The following DNAH7 variants were observed in gnomAD, a reference collection of about 807,000 sequenced individuals.
DNAH7 encodes the protein dynein axonemal heavy chain 7, also known as axonemal beta dynein heavy chain 7.
A neutral mutation model predicts 444.6 loss-of-function variants in DNAH7; 397 were observed. The observed-to-expected ratio is 0.89, with a 90% confidence interval of 0.82 to 0.97. DNAH7 has a LOEUF of 0.97. Among genes scored for constraint, DNAH7 ranks in the 50% least tolerant of loss-of-function variants. The pLI is 0.00. For synonymous variants in DNAH7, 1,636 were observed against 1,624.4 expected (o/e 1.01, Z -0.17); for missense variants, 4,902 against 4,800.8 (o/e 1.02, Z -0.62).
chr2:195,967,516 A>G (rs1448831514), intron 17 of DNAH7, among the ~76,000 whole-genome samples: 1 of 152,098 alleles, frequency 6.6e-6, no homozygotes, highest in African/African-American at 2.4e-5. Context: ...AAACTATGGC[A>G]TTTCCTGTAA....
Position 196,068,802 on chromosome 2 carries a change from G to T in DNAH7, c.-91C>A. 3 of 1,503,428 alleles carry T rather than the reference G, an allele frequency of 2.0e-6. No individual in the cohort carries two copies. The highest frequency in any genetic ancestry group is 2.5e-5 in the East Asian group (1 of 39,870). The allele number at this position is 1,503,428 out of a possible 1,614,324, so 93.1% of individuals were successfully genotyped here. On this transcript the variant is annotated 5_prime_UTR_variant, in exon 1 of 65. Coordinates refer to ENST00000312428, the MANE Select transcript of DNAH7 (RefSeq NM_018897.3). Reference sequence around the variant, plus strand: ...CGATAGAGGCAGGGCCCCGGGACTTGCAGCGGTCTCAGCTCCCTCCGCACC... The same window carrying T: ...CGATAGAGGCAGGGCCCCGGGACTTTCAGCGGTCTCAGCTCCCTCCGCACC...
chr2:195,934,798 A>G lies in DNAH7; in HGVS notation c.3273-9T>C. ...TCAAGTGAGGTTGCACCCTGTCAGG[A>G]AAAACATTTTTAAGATAATTAACCA... On this transcript the variant is annotated splice_polypyrimidine_tract_variant and intron_variant, in intron 20 of 64. Coordinates refer to ENST00000312428, the MANE Select transcript of DNAH7 (RefSeq NM_018897.3). 1.2e-6 allele frequency: 2 copies of G among 1,613,760 alleles called. No homozygotes were observed. Among genetic ancestry groups the G allele is most frequent in the Non-Finnish European group, 1.7e-6 (2 of 1,179,842 alleles).
chr2:195,822,299 T>C (rs754293155), intron 49 of DNAH7, among the ~76,000 whole-genome samples: 30 of 152,230 alleles, frequency 2.0e-4, no homozygotes, highest in Non-Finnish European at 2.5e-4. Context: ...AACTTTTACT[T>C]CACTGTGTTC....
chr2:195,969,489 C>T (rs958295519), intron 17 of DNAH7, among the ~76,000 whole-genome samples: 11 of 152,016 alleles, frequency 7.2e-5, no homozygotes, highest in East Asian at 3.9e-4. Flanking sequence ...ATTTCTGAAA[C>T]GGTAGTATTG....
chr2:195,827,052 G>A (rs1385777116), intron 48 of DNAH7, among the ~76,000 whole-genome samples: 2 of 152,044 alleles, frequency 1.3e-5, no homozygotes. Flanking sequence ...CCCAACCATA[G>A]TCATATGGCC....
chr2:195,821,259 A>C (rs2124905864), intron 49 of DNAH7, among the ~76,000 whole-genome samples: 1 of 152,294 alleles, frequency 6.6e-6, no homozygotes, highest in South Asian at 2.1e-4. Context: ...CTGATTTATA[A>C]ATTGTTTGCA....
At chr2:195,844,233 C>A (rs569803231) in intron 47 of DNAH7, among the ~76,000 whole-genome samples, 1 of 152,312 alleles carries the variant, frequency 6.6e-6, no homozygotes, top group Admixed American at 6.5e-5. Flanking sequence ...ATATCAATTA[C>A]TTTTTCATAG....
At chr2:195,748,665 C>A (rs1693586543) in intron 63 of DNAH7, among the ~76,000 whole-genome samples, 1 of 152,054 alleles carries the variant, frequency 6.6e-6, no homozygotes, top group Non-Finnish European at 1.5e-5. Flanking sequence ...AGAACAGAGC[C>A]CTCAGAAATA....
Position 195,864,885 on chromosome 2 carries a change from T to A in DNAH7, c.6770A>T (p.Asp2257Val). The A allele has an allele frequency of 5.6e-6, 9 of 1,614,004 alleles. No homozygotes were observed. The highest frequency in any genetic ancestry group is 7.6e-6 in the Non-Finnish European group (9 of 1,180,018). Residue 2257 changes from aspartate to valine, a missense_variant, in exon 41 of 65, where the codon GAT becomes GTT. By Grantham distance (152) the Asp-to-Val change is radical (BLOSUM62 -3). Transcript: ENST00000312428. ...TAAGTCATCTGCTTCCACCATGCCA[T>A]CATTATCAAAATCCAAACGCTGAAA... ...ELFQRLDFDN[D>V]GMVEADDLRS...
intron 12 of DNAH7, chr2:195,994,339 G>T: frequency 1.6e-6 from 1 of 619,842 alleles, no homozygotes; most frequent in Non-Finnish European, 2.8e-6. Context: ...CCAAGGCTCA[G>T]GAGACAGTCC....
At chr2:196,053,966 A>G (rs945976921) in intron 2 of DNAH7, among the ~76,000 whole-genome samples, 1 of 152,200 alleles carries the variant, frequency 6.6e-6, no homozygotes. Context: ...TGGCATAGCT[A>G]TAAGATGCAG....
chr2:195,940,165 C>T (rs1689327231), intron 19 of DNAH7, among the ~76,000 whole-genome samples: 1 of 152,022 alleles, frequency 6.6e-6, no homozygotes, highest in Non-Finnish European at 1.5e-5. Flanking sequence ...GTACTGGTAC[C>T]AAAACAGATA....
intron 57 of DNAH7, among the ~76,000 whole-genome samples, chr2:195,789,539 T>A (rs959250781): frequency 6.6e-6 from 1 of 152,192 alleles, no homozygotes; most frequent in Non-Finnish European, 1.5e-5. Context: ...GATATTTTCA[T>A]GGTGCTAAAG....
intron 5 of DNAH7, 51 bp downstream of exon 5, chr2:196,047,301 G>A: frequency 1.4e-6 from 2 of 1,441,730 alleles, no homozygotes; most frequent in Middle Eastern, 3.7e-4. Context: ...GTTAAACGTT[G>A]CCAGGGGCTC....
At position 196,012,041 on chromosome 2, in the gene DNAH7, T is replaced by C. The variant is rs143819825; in HGVS notation, c.989+746A>G. Reference sequence around the variant, plus strand: ...TATCAAAGAATTTTATTCTAACACATTGGAGAAGAAAGCAAGATAAAGGAA... The same window carrying C: ...TATCAAAGAATTTTATTCTAACACACTGGAGAAGAAAGCAAGATAAAGGAA... On this transcript the variant is annotated intron_variant, in intron 10 of 64. Transcript: ENST00000312428. Among the ~76,000 whole-genome samples the C allele has an allele frequency of 1.6e-3, 247 of 152,276 alleles. 1 individual carries two copies. Among genetic ancestry groups the C allele is most frequent in the African/African-American group, 5.5e-3 (227 of 41,574 alleles).
chr2:195,806,829 G>T lies in DNAH7; in HGVS notation c.10087C>A (p.Pro3363Thr). 6.2e-7 allele frequency: 1 copy of T among 1,612,140 alleles called. No individual in the cohort carries two copies. The highest frequency in any genetic ancestry group is 1.3e-5 in the African/African-American group (1 of 74,982). The change falls in exon 54 of 65, where the codon CCA becomes ACA. Residue 3363 changes from proline to threonine, a missense_variant. Physicochemically the swap from Pro to Thr is conservative, Grantham distance 38. Transcript: ENST00000312428. ...GWKKVYDSLE[P>T]HHEVFPEEWE... ...TCTTCAGGGAAAACCTCATGGTGTG[G>T]TTCCTAAAATTACAGTGTAAATAAT...
intron 48 of DNAH7, among the ~76,000 whole-genome samples, chr2:195,831,375 C>A (rs1351829082): frequency 1.3e-5 from 2 of 152,188 alleles, no homozygotes; most frequent in Non-Finnish European, 2.9e-5. Context: ...GTAGCTGAAG[C>A]AGGCAGCTGA....
chr2:195,860,717 T>C (rs532872938), intron 42 of DNAH7, among the ~76,000 whole-genome samples: 14 of 152,246 alleles, frequency 9.2e-5, no homozygotes, highest in South Asian at 4.1e-4. Flanking sequence ...GAAATATATA[T>C]AAAAATCAAA....
intron 15 of DNAH7, among the ~76,000 whole-genome samples, chr2:195,980,032 T>A (rs947810639): frequency 7.6e-5 from 10 of 131,778 alleles, no homozygotes; most frequent in Non-Finnish European, 1.4e-4. Flanking sequence ...ACTGCTGAAT[T>A]CTACCAAACC....
Sources: allele counts gnomAD v4.1 joint callset (sites outside exome capture counted in the v4.1 genomes callset), GRCh38; gene constraint gnomAD v4.1.1; transcripts MANE v1.5; gene names NCBI Gene and HGNC (gene_info 2026-07-23, HGNC 2026-07-21).